Variants in TTLL9 observed in about 807,000 individuals in gnomAD.
TTLL9 encodes probable tubulin polyglutamylase TTLL9.
A neutral mutation model predicts 65.6 loss-of-function variants in TTLL9; 47 were observed. That is an observed-to-expected ratio of 0.72 (90% CI 0.57 to 0.91). TTLL9 has a LOEUF of 0.91. TTLL9 is among the 40% of genes least tolerant of loss of function. The pLI, the probability that TTLL9 is intolerant of heterozygous loss-of-function variation, is 0.00. For missense variants in TTLL9, 537 were observed against 568.8 expected, an observed-to-expected ratio of 0.94 and a Z score of 0.57; for synonymous variants, 179 against 204.8, an observed-to-expected ratio of 0.87 and a Z score of 1.07.
chr20:31,944,387 T>C lies in TTLL9; in HGVS notation c.*1366T>C, dbSNP rs899121884. ...TTTATTTACATTTTAAAATAAGCAATATATTCATACGGTTTAAAATCCAAA... is the reference window on the plus strand; with the variant it reads ...TTTATTTACATTTTAAAATAAGCAACATATTCATACGGTTTAAAATCCAAA... On this transcript the variant is annotated 3_prime_UTR_variant, in exon 15 of 15. Transcript: ENST00000535842. 1 of 156,278 alleles carries C rather than the reference T, an allele frequency of 6.4e-6. No homozygotes were observed. Among genetic ancestry groups the C allele is most frequent in the Non-Finnish European group, 1.4e-5 (1 of 70,288 alleles). The allele number at this position is 156,278 out of a possible 1,614,324, so 9.7% of individuals were successfully genotyped here. A position where few individuals can be genotyped will look rare whatever the true frequency, so the allele number is the denominator to read the frequency against.
intron 9 of TTLL9, 116 bp from the exon 10 acceptor site, chr20:31,925,933 T>G: frequency 6.4e-7 from 1 of 1,559,056 alleles, no homozygotes; most frequent in Non-Finnish European, 8.7e-7. Flanking sequence ...CAACACCCGC[T>G]TCACACTGAA....
At chr20:31,886,445 A>G (rs2123410870) in intron 2 of TTLL9, among the ~76,000 whole-genome samples, 1 of 152,296 alleles carries the variant, frequency 6.6e-6, no homozygotes, top group South Asian at 2.1e-4. Context: ...TTGGGGTGAA[A>G]GGAATGAACA....
intron 3 of TTLL9, among the ~76,000 whole-genome samples, chr20:31,895,269 C>G (rs1396017624): frequency 6.6e-6 from 1 of 152,142 alleles, no homozygotes; most frequent in Non-Finnish European, 1.5e-5. Context: ...AGTTCAGTAG[C>G]AGATTGGTGA....
rs1442978373 is a variant in TTLL9, at chr20:31,922,995, T to C, written c.606T>C (p.Asp202=). The C allele has an allele frequency of 2.5e-6, 4 of 1,614,116 alleles. No homozygotes were observed. In the South Asian group the frequency reaches 3.3e-5, roughly 13 times the overall value. The change falls in exon 8 of 15, where the codon GAT becomes GAC. Residue 202 remains aspartate, a synonymous_variant. Transcript: ENST00000535842. ...DTRSSDDQKD[D]IPVENYVAQR... is the part of the protein sequence containing the mutation. ...GAAGCTCTGACGACCAGAAAGATGA[T>C]ATTCCCGTGGAGAACTATGTGGCTC...
At chr20:31,880,496 C>CA (rs1555803528) in intron 2 of TTLL9, among the ~76,000 whole-genome samples, 1 of 142,986 alleles carries the variant, frequency 7.0e-6, no homozygotes, top group Non-Finnish European at 1.5e-5. Context: ...CCCCAACCGA[C>CA]TTTTTTTTTT....
intron 6 of TTLL9, among the ~76,000 whole-genome samples, chr20:31,915,650 C>T (rs548083239): frequency 1.3e-5 from 2 of 152,276 alleles, no homozygotes; most frequent in East Asian, 3.9e-4. Context: ...TCAGATTTGT[C>T]ACCTGTTGGC....
At position 31,870,739 on chromosome 20, in the gene TTLL9, G is replaced by A; in HGVS notation, c.-216G>A. On this transcript the variant is annotated 5_prime_UTR_variant, in exon 1 of 15. Coordinates refer to ENST00000535842, the MANE Select transcript of TTLL9 (RefSeq NM_001008409.5). The surrounding 1 kb of genome is among the most constrained non-coding windows in gnomAD (Gnocchi z 6.6). The stretch of plus-strand genomic sequence containing the variant: ...GGGGCCTTACCCCACCCTGGCACCG[G>A]CAGGCGCGGGCGGATGGGGGGATGT... 1.9e-6 allele frequency: 1 copy of A among 529,620 alleles called. No individual in the cohort carries two copies. The highest frequency in any genetic ancestry group is 3.0e-6 in the Non-Finnish European group (1 of 335,030). 32.8% of individuals were successfully genotyped at this position (529,620 alleles called of 1,614,324 possible). A position where few individuals can be genotyped will look rare whatever the true frequency, so the allele number is the denominator to read the frequency against.
At chr20:31,889,888 G>A (rs1013081295) in intron 3 of TTLL9, among the ~76,000 whole-genome samples, 18 of 152,026 alleles carry the variant, frequency 1.2e-4, no homozygotes, top group African/African-American at 4.1e-4. Context: ...TCCTCATGGA[G>A]ACCAAATGGC....
chr20:31,942,784 G>C (rs1391224383), intron 14 of TTLL9, among the ~76,000 whole-genome samples, 161 bp from the exon 15 acceptor site: 1 of 152,142 alleles, frequency 6.6e-6, no homozygotes, highest in Admixed American at 6.5e-5. Flanking sequence ...ACCTGCTTGA[G>C]GGCCATGGCA....
At chr20:31,905,471 A>G (rs1459074239) in intron 4 of TTLL9, among the ~76,000 whole-genome samples, 3 of 152,184 alleles carry the variant, frequency 2.0e-5, no homozygotes, top group African/African-American at 7.2e-5. Context: ...AGGTTTGGAG[A>G]AGGACCAGGC....
chr20:31,888,033 C>T (rs573351752), intron 3 of TTLL9, among the ~76,000 whole-genome samples: 5 of 151,930 alleles, frequency 3.3e-5, no homozygotes, highest in East Asian at 1.9e-4. Flanking sequence ...TACAGGTATG[C>T]GCCACCGTGA....
intron 8 of TTLL9, among the ~76,000 whole-genome samples, chr20:31,923,576 G>A (rs1308519559): frequency 6.6e-6 from 1 of 152,196 alleles, no homozygotes; most frequent in African/African-American, 2.4e-5. Flanking sequence ...TAGATTTGGA[G>A]GGAGAGAAAT....
chr20:31,908,488 C>A, intron 4 of TTLL9, 103 bp from the exon 5 acceptor site: 1 of 739,724 alleles, frequency 1.4e-6, no homozygotes, highest in Non-Finnish European at 2.4e-6. Flanking sequence ...GGACACAGTG[C>A]TGTGTACCCT....
chr20:31,874,007 G>T (rs1568724147), intron 2 of TTLL9, among the ~76,000 whole-genome samples: 1 of 152,214 alleles, frequency 6.6e-6, no homozygotes, highest in East Asian at 1.9e-4. Flanking sequence ...AGGGGCAATT[G>T]TAACAGTCCT....
chr20:31,885,780 CTG>C (rs2063180162), intron 2 of TTLL9, among the ~76,000 whole-genome samples: 1 of 152,168 alleles, frequency 6.6e-6, no homozygotes. Flanking sequence ...ATGGAGGAGT[CTG>C]TGAATTTGAT....
At chr20:31,877,369 G>A (rs985145805) in intron 2 of TTLL9, among the ~76,000 whole-genome samples, 2 of 152,158 alleles carry the variant, frequency 1.3e-5, no homozygotes, top group African/African-American at 4.8e-5. Flanking sequence ...TGTTGACCTC[G>A]TGATCTGCCT....
chr20:31,912,988 T>G (rs1568797113), intron 6 of TTLL9, among the ~76,000 whole-genome samples: 1 of 151,880 alleles, frequency 6.6e-6, no homozygotes, highest in African/African-American at 2.4e-5. Flanking sequence ...CAAGACTTAG[T>G]CTCTACAAAA....
In TTLL9 at chr20:31,871,263, T is replaced by C. The variant is rs1245625427; in HGVS notation, c.69+68T>C. 2.0e-6 allele frequency: 3 copies of C among 1,532,020 alleles called. No homozygotes were observed. In the East Asian group the frequency reaches 6.8e-5, roughly 35 times the overall value. The allele number at this position is 1,532,020 out of a possible 1,614,324, so 94.9% of individuals were successfully genotyped here. ...AGGAGACTACATCAGGATGTATTAA[T>C]AGCTAGAGGTCAGGGTCCTGGAAGG... On this transcript the variant is annotated intron_variant, in intron 2 of 14. Transcript: ENST00000535842.
intron 3 of TTLL9, among the ~76,000 whole-genome samples, chr20:31,889,462 G>T (rs1343609504): frequency 1.4e-5 from 2 of 143,538 alleles, no homozygotes; most frequent in Admixed American, 7.1e-5. Flanking sequence ...TTGCTCTGTT[G>T]CCCAGGCTGG....
Sources: gnomAD v4.1 joint callset for allele counts (sites outside exome capture counted in the v4.1 genomes callset) on GRCh38, gnomAD v4.1.1 for gene constraint, Gnocchi (gnomAD v3.1) non-coding constraint, MANE v1.5 for transcripts, NCBI Gene and HGNC (gene_info 2026-07-23, HGNC 2026-07-21) for gene names.